ERGIC1: variants seen among roughly 807,000 people sequenced by gnomAD.
ERGIC1 encodes the protein endoplasmic reticulum-Golgi intermediate compartment protein 1.
Under a neutral mutation model 38.3 loss-of-function variants are expected in ERGIC1, and 19 were observed. The observed-to-expected ratio is 0.50, with a 90% CI of 0.35 to 0.73. The LOEUF is 0.73. Ranked by LOEUF, ERGIC1 falls within the 30% of genes least tolerant of loss-of-function variation. The probability of loss-of-function intolerance (pLI) is 0.01; values close to 1 mark genes in which losing one functional copy is unlikely to be tolerated. For missense variants in ERGIC1, 294 were observed against 389.2 expected (o/e 0.76, Z 2.06); for synonymous variants, 124 against 157.6 (o/e 0.79, Z 1.60).
intron 8 of ERGIC1, chr5:172,932,792 GTC>G: frequency 2.0e-6 from 1 of 488,986 alleles, no homozygotes; most frequent in Non-Finnish European, 3.7e-6. Flanking sequence ...AGAGCAGGTA[GTC>G]TCTGTCCTAC....
chr5:172,906,216 A>T (rs1330068622), intron 3 of ERGIC1: 4 of 455,618 alleles, frequency 8.8e-6, no homozygotes, highest in Non-Finnish European at 1.8e-5. Flanking sequence ...AAGGCTTCCC[A>T]GGACCAGGGC....
At chr5:172,886,735 A>G (rs1270822825) in intron 1 of ERGIC1, among the ~76,000 whole-genome samples, 1 of 152,134 alleles carries the variant, frequency 6.6e-6, no homozygotes, top group Admixed American at 6.5e-5. Flanking sequence ...TGTTGCCCCC[A>G]CTTTATAGAC....
chr5:172,855,388 G>A (rs753209232), intron 1 of ERGIC1, among the ~76,000 whole-genome samples: 1 of 152,150 alleles, frequency 6.6e-6, no homozygotes, highest in African/African-American at 2.4e-5. Context: ...CCAGGACCTC[G>A]CTGGCCCATT....
chr5:172,878,186 T>A (rs1020502668), intron 1 of ERGIC1, among the ~76,000 whole-genome samples: 2 of 152,168 alleles, frequency 1.3e-5, no homozygotes, highest in Non-Finnish European at 2.9e-5. Flanking sequence ...TGGGAGGCCA[T>A]GCCATGGGCA....
chr5:172,860,921 C>T (rs550689842), intron 1 of ERGIC1, among the ~76,000 whole-genome samples: 3 of 152,320 alleles, frequency 2.0e-5, no homozygotes, highest in South Asian at 4.1e-4. Context: ...CCGGCGAGAG[C>T]GGATGTAGGC....
At chr5:172,909,346 G>T (rs1420515213) in intron 3 of ERGIC1, among the ~76,000 whole-genome samples, 1 of 152,012 alleles carries the variant, frequency 6.6e-6, no homozygotes, top group African/African-American at 2.4e-5. Flanking sequence ...TTTTAGTAGA[G>T]ATGAGGTTTC....
chr5:172,915,012 C>G, intron 5 of ERGIC1, 174 bp downstream of exon 5: 1 of 1,030,976 alleles, frequency 9.7e-7, no homozygotes, highest in Non-Finnish European at 1.5e-6. Context: ...GGATGGGGGT[C>G]CAGGCTCCCT....
chr5:172,876,621 G>A (rs1291248364), intron 1 of ERGIC1, among the ~76,000 whole-genome samples: 1 of 152,154 alleles, frequency 6.6e-6, no homozygotes, highest in African/African-American at 2.4e-5. Flanking sequence ...AATGTCACAT[G>A]TCTAAAGTGT....
intron 1 of ERGIC1, among the ~76,000 whole-genome samples, chr5:172,851,200 C>CAA (rs34437961): frequency 1.2e-4 from 12 of 96,660 alleles, no homozygotes; most frequent in Admixed American, 2.3e-4. Context: ...GACTCTGTCT[C>CAA]AAAAAAAAAA....
At chr5:172,922,060 C>T (rs1397993038) in intron 5 of ERGIC1, 1 of 152,342 alleles carries the variant, frequency 6.6e-6, no homozygotes, top group Non-Finnish European at 1.5e-5. Context: ...TTGGCCAAGG[C>T]CAGATTCTTG....
chr5:172,928,415 G>A (rs1763701599), intron 7 of ERGIC1, among the ~76,000 whole-genome samples: 1 of 152,208 alleles, frequency 6.6e-6, no homozygotes, highest in Admixed American at 6.5e-5. Context: ...GTCTTGCTAT[G>A]GGGGTTGTTT....
chr5:172,935,348 GCCAC>G, intron 9 of ERGIC1, 38 bp downstream of exon 9: 2 of 1,612,192 alleles, frequency 1.2e-6, no homozygotes, highest in Non-Finnish European at 1.7e-6. Context: ...CCCTGAGCCA[GCCAC>G]CCTGCGCCTG....
At chr5:172,906,250 C>T (rs772708839) in intron 3 of ERGIC1, 31 of 448,628 alleles carry the variant, frequency 6.9e-5, no homozygotes, top group Non-Finnish European at 1.1e-4. Flanking sequence ...CTTCCTTGAC[C>T]CTGATGCTGA....
intron 1 of ERGIC1, among the ~76,000 whole-genome samples, chr5:172,875,839 A>C (rs976024633): frequency 2.0e-5 from 3 of 152,210 alleles, no homozygotes; most frequent in African/African-American, 2.4e-5. Context: ...CTGCCTTGGG[A>C]TAACAGGCAT....
At chr5:172,925,204 C>T (rs574411171) in intron 6 of ERGIC1, among the ~76,000 whole-genome samples, 1 of 152,070 alleles carries the variant, frequency 6.6e-6, no homozygotes, top group African/African-American at 2.4e-5. Flanking sequence ...TGCCACTGCA[C>T]TCCAGCCTGG....
chr5:172,840,936 C>T (rs1761142903), intron 1 of ERGIC1, among the ~76,000 whole-genome samples: 1 of 152,206 alleles, frequency 6.6e-6, no homozygotes, highest in African/African-American at 2.4e-5. Flanking sequence ...GCCGCACTGG[C>T]TGCCTCACTG....
intron 7 of ERGIC1, among the ~76,000 whole-genome samples, chr5:172,927,962 T>A (rs1355649022): frequency 6.6e-6 from 1 of 152,228 alleles, no homozygotes; most frequent in Non-Finnish European, 1.5e-5. Flanking sequence ...TCCAGCTGTG[T>A]CTGGTTCCCA....
chr5:172,878,969 T>C (rs1762216431), intron 1 of ERGIC1, among the ~76,000 whole-genome samples: 2 of 152,168 alleles, frequency 1.3e-5, no homozygotes, highest in Admixed American at 1.3e-4. Flanking sequence ...AGCCAGAGTT[T>C]CATCTAAAAG....
chr5:172,872,792 G>C (rs541706509), intron 1 of ERGIC1, among the ~76,000 whole-genome samples: 1 of 151,738 alleles, frequency 6.6e-6, no homozygotes, highest in African/African-American at 2.4e-5. Context: ...TCCAGCCTAG[G>C]CAACAAGAGC....
Sources: gnomAD v4.1 joint callset for allele counts (sites outside exome capture counted in the v4.1 genomes callset) on GRCh38, gnomAD v4.1.1 for gene constraint, MANE v1.5 for transcripts, NCBI Gene and HGNC (gene_info 2026-07-23, HGNC 2026-07-21) for gene names.